The following PIP5K1B variants were observed in gnomAD, a reference collection of about 807,000 sequenced individuals.
PIP5K1B encodes phosphatidylinositol-4-phosphate 5-kinase type 1 beta, also known as phosphatidylinositol 4-phosphate 5-kinase type-1 beta.
PIP5K1B carries 42 observed loss-of-function variants against 67.0 expected under a neutral mutation model. The observed-to-expected ratio is 0.63, with a 90% CI of 0.49 to 0.81. The LOEUF is 0.81. PIP5K1B is among the 30% of genes least tolerant of loss of function. PIP5K1B has a pLI of 0.00. For missense variants in PIP5K1B, 459 were observed against 646.3 expected (o/e 0.71, Z 3.14); for synonymous variants, 214 against 231.4 (o/e 0.92, Z 0.68).
At chr9:68,846,895 C>A (rs1474181516) in intron 4 of PIP5K1B, among the ~76,000 whole-genome samples, 1 of 152,180 alleles carries the variant, frequency 6.6e-6, no homozygotes, top group Non-Finnish European at 1.5e-5. Flanking sequence ...TTGATTTCTT[C>A]TAGGCCTGTT....
chr9:68,809,338 C>T (rs943952070), intron 2 of PIP5K1B, among the ~76,000 whole-genome samples: 3 of 149,102 alleles, frequency 2.0e-5, no homozygotes, highest in Admixed American at 6.8e-5. Context: ...AAAAATACCA[C>T]GCCTCTTTGT....
At chr9:68,711,432 A>G (rs1360458211) in intron 1 of PIP5K1B, among the ~76,000 whole-genome samples, 1 of 152,226 alleles carries the variant, frequency 6.6e-6, no homozygotes, top group African/African-American at 2.4e-5. Flanking sequence ...ATATTTGACA[A>G]TGGAAAAGGT....
chr9:68,893,099 G>A (rs1294422964), intron 7 of PIP5K1B, among the ~76,000 whole-genome samples: 1 of 151,480 alleles, frequency 6.6e-6, no homozygotes, highest in Non-Finnish European at 1.5e-5. Flanking sequence ...AAAAATTTAA[G>A]GCAACACATT....
intron 12 of PIP5K1B, among the ~76,000 whole-genome samples, chr9:68,924,752 T>C (rs952866389): frequency 1.3e-5 from 2 of 152,164 alleles, no homozygotes; most frequent in Non-Finnish European, 2.9e-5. Flanking sequence ...TGTTTTATAT[T>C]TAAATAAGAC....
chr9:68,926,522 T>C (rs763306605), intron 12 of PIP5K1B, among the ~76,000 whole-genome samples: 2 of 152,176 alleles, frequency 1.3e-5, no homozygotes, highest in Non-Finnish European at 2.9e-5. Context: ...CTATGATTCT[T>C]GATTTATTCA....
chr9:68,858,215 C>A (rs1822882433), intron 4 of PIP5K1B, among the ~76,000 whole-genome samples: 1 of 152,084 alleles, frequency 6.6e-6, no homozygotes, highest in Non-Finnish European at 1.5e-5. Context: ...CTCAAGTGAT[C>A]CACCCTCCTC....
chr9:69,008,030 T>C (rs889455688), intron 15 of PIP5K1B, among the ~76,000 whole-genome samples: 2 of 152,216 alleles, frequency 1.3e-5, no homozygotes, highest in East Asian at 1.9e-4. Context: ...GAACATATTG[T>C]TACCACCCAG....
chr9:68,717,293 G>A (rs1323946798), intron 1 of PIP5K1B, among the ~76,000 whole-genome samples: 1 of 152,126 alleles, frequency 6.6e-6, no homozygotes, highest in Non-Finnish European at 1.5e-5. Context: ...ATAAGAGACT[G>A]GACGGTAGCA....
At chr9:68,826,816 A>G (rs904693557) in intron 4 of PIP5K1B, among the ~76,000 whole-genome samples, 3 of 152,172 alleles carry the variant, frequency 2.0e-5, no homozygotes, top group Non-Finnish European at 4.4e-5. Flanking sequence ...CAGTGGCACA[A>G]TCTTGGCTCA....
intron 2 of PIP5K1B, among the ~76,000 whole-genome samples, chr9:68,786,523 T>G (rs1831626016): frequency 1.3e-5 from 2 of 152,150 alleles, no homozygotes; most frequent in African/African-American, 4.8e-5. Flanking sequence ...CCCAGCTAAC[T>G]TTAGCAACTT....
chr9:68,876,392 T>A (rs1823900255), intron 5 of PIP5K1B, among the ~76,000 whole-genome samples: 1 of 152,210 alleles, frequency 6.6e-6, no homozygotes, highest in Admixed American at 6.5e-5. Flanking sequence ...CTGGTGATAA[T>A]GGAGTGATCT....
intron 15 of PIP5K1B, among the ~76,000 whole-genome samples, chr9:68,995,315 G>A (rs1234656366): frequency 6.6e-6 from 1 of 152,122 alleles, no homozygotes; most frequent in African/African-American, 2.4e-5. Context: ...ATCACCTCCT[G>A]TACCATAAAC....
chr9:68,935,156 T>C, intron 13 of PIP5K1B, 111 bp downstream of exon 13: 2 of 907,008 alleles, frequency 2.2e-6, no homozygotes, highest in Non-Finnish European at 3.4e-6. Flanking sequence ...TAAAATATAT[T>C]AATTAAGTTT....
chr9:68,971,001 G>T (rs113320977), intron 14 of PIP5K1B, among the ~76,000 whole-genome samples: 2,662 of 152,096 alleles, frequency 0.018, 80 homozygotes, highest in African/African-American at 0.061. Context: ...TTTATTTATT[G>T]ATTTATTTAT....
chr9:68,732,557 A>G (rs1828495612), intron 1 of PIP5K1B, among the ~76,000 whole-genome samples: 1 of 152,164 alleles, frequency 6.6e-6, no homozygotes, highest in Non-Finnish European at 1.5e-5. Flanking sequence ...TTGACCACCT[A>G]CTGTTTGTGC....
At chr9:68,735,316 CTTTTT>C (rs558810934) in intron 1 of PIP5K1B, among the ~76,000 whole-genome samples, 48 of 29,804 alleles carry the variant, frequency 1.6e-3, no homozygotes, top group South Asian at 4.4e-3. Context: ...CCCCTAGTGT[CTTTTT>C]TTTTTTTTTT....
chr9:68,797,053 G>T (rs1285751952), intron 2 of PIP5K1B, among the ~76,000 whole-genome samples: 1 of 152,140 alleles, frequency 6.6e-6, no homozygotes, highest in Non-Finnish European at 1.5e-5. Flanking sequence ...TAAAAGAGAT[G>T]AGTTAATTAT....
At chr9:68,753,515 CT>C (rs71500334) in intron 2 of PIP5K1B, among the ~76,000 whole-genome samples, 54 of 38,276 alleles carry the variant, frequency 1.4e-3, no homozygotes, top group African/African-American at 5.7e-3. Context: ...AATTTTGTTT[CT>C]TTTTTTTTTT....
At chr9:68,984,751 T>C (rs1184578079) in intron 14 of PIP5K1B, among the ~76,000 whole-genome samples, 3 of 152,202 alleles carry the variant, frequency 2.0e-5, no homozygotes, top group Non-Finnish European at 2.9e-5. Flanking sequence ...AGAACAAAGA[T>C]CTCCACAGCT....
Sources: gnomAD v4.1 joint callset for allele counts (sites outside exome capture counted in the v4.1 genomes callset) on GRCh38, gnomAD v4.1.1 for gene constraint, MANE v1.5 for transcripts, NCBI Gene and HGNC (gene_info 2026-07-23, HGNC 2026-07-21) for gene names.